The following PSAT1 variants were observed in gnomAD, a reference collection of about 807,000 sequenced individuals.
PSAT1 encodes the protein phosphoserine aminotransferase.
A neutral mutation model predicts 40.3 loss-of-function variants in PSAT1; 41 were observed. That is an observed-to-expected ratio of 1.02 (90% CI 0.79 to 1.32). The LOEUF is 1.32. Ranked by LOEUF, PSAT1 falls within the 40% of genes most tolerant of loss-of-function variation. The pLI, the probability that PSAT1 is intolerant of heterozygous loss-of-function variation, is 0.00. For synonymous variants in PSAT1, 147 were observed against 170.5 expected (o/e 0.86, Z 1.07); for missense variants, 406 against 455.8 (o/e 0.89, Z 0.99).
At position 78,317,740 on chromosome 9, in the gene PSAT1, A is replaced by T; in HGVS notation, c.805A>T (p.Lys269Ter). 1 of 1,613,588 alleles carries T rather than the reference A, an allele frequency of 6.2e-7. No individual in the cohort carries two copies. Among genetic ancestry groups the T allele is most frequent in the Non-Finnish European group, 8.5e-7 (1 of 1,179,668 alleles). ...CAATGGAGGTGCCGCGGCCATGGAG[A>T]AGCTTAGCTCCATCAAATCTCAAAC... is the stretch of plus-strand genomic sequence containing the variant. ...KNNGGAAAME[K>*]LSSIKSQTIY... Residue 269 changes from lysine (K) to a stop codon, truncating the protein, a stop_gained, in exon 7 of 9, where the codon AAG becomes TAG. Coordinates refer to ENST00000376588, the MANE Select transcript of PSAT1 (RefSeq NM_058179.4). LOFTEE classifies it high-confidence loss of function.
intron 1 of PSAT1, among the ~76,000 whole-genome samples, chr9:78,299,363 A>T (rs925271502): frequency 6.6e-6 from 1 of 152,036 alleles, no homozygotes; most frequent in Non-Finnish European, 1.5e-5. Flanking sequence ...AAGTTCAAAG[A>T]TTATTCACAG....
At chr9:78,315,564 T>C (rs1828331682) in intron 6 of PSAT1, among the ~76,000 whole-genome samples, 1 of 152,226 alleles carries the variant, frequency 6.6e-6, no homozygotes, top group Non-Finnish European at 1.5e-5. Context: ...CCTCCCTGCC[T>C]TCCCTTTCTG....
At chr9:78,325,985 T>C (rs991634205) in intron 7 of PSAT1, among the ~76,000 whole-genome samples, 1 of 152,204 alleles carries the variant, frequency 6.6e-6, no homozygotes, top group African/African-American at 2.4e-5. Context: ...GAGCCTCACA[T>C]TGGGAGCCTG....
chr9:78,305,555 C>G (rs982099128), intron 4 of PSAT1, among the ~76,000 whole-genome samples: 1 of 152,146 alleles, frequency 6.6e-6, no homozygotes, highest in East Asian at 1.9e-4. Flanking sequence ...CCTGGTGGCT[C>G]CACAGGCAGA....
At chr9:78,302,514 A>G (rs1828121471) in intron 3 of PSAT1, among the ~76,000 whole-genome samples, 1 of 152,096 alleles carries the variant, frequency 6.6e-6, no homozygotes, top group South Asian at 2.1e-4. Context: ...GGATCGTGAG[A>G]TCAGGAGATC....
chr9:78,309,793 A>G (rs1226593776), intron 6 of PSAT1, among the ~76,000 whole-genome samples: 2 of 152,154 alleles, frequency 1.3e-5, no homozygotes, highest in African/African-American at 4.8e-5. Context: ...ATAACTCCCA[A>G]ACTTGGGTAT....
In PSAT1 at chr9:78,306,336, G is replaced by A. The variant is rs1008314756; in HGVS notation, c.420G>A (p.Trp140Ter). Residue 140 changes from tryptophan to a stop codon, truncating the protein, a stop_gained, in exon 5 of 9, where the codon TGG (tryptophan) becomes TGA (stop). Coordinates refer to ENST00000376588, the MANE Select transcript of PSAT1 (RefSeq NM_058179.4). LOFTEE classifies it high-confidence loss of function. ...TAGAAATTCCAGATCCAAGCACCTGGAACCTCAACCCAGATGCCTCCTACG... is the reference window on the plus strand; with the variant it reads ...TAGAAATTCCAGATCCAAGCACCTGAAACCTCAACCCAGATGCCTCCTACG... ...SYTKIPDPSTWNLNPDASYVY... is the reference protein window; with the variant it reads ...SYTKIPDPST 15 of 1,612,186 alleles carry A rather than the reference G, an allele frequency of 9.3e-6. No homozygotes were observed. Among genetic ancestry groups the A allele is most frequent in the South Asian group, 1.1e-5 (1 of 91,010 alleles).
intron 5 of PSAT1, among the ~76,000 whole-genome samples, chr9:78,307,910 C>T (rs1216385993): frequency 2.6e-5 from 4 of 152,036 alleles, no homozygotes; most frequent in Non-Finnish European, 5.9e-5. Flanking sequence ...CATGGTGGCA[C>T]ACGCTGTAAT....
chr9:78,317,643 G>C (rs960727980), intron 6 of PSAT1, 33 bp from the exon 7 acceptor site: 2 of 1,610,778 alleles, frequency 1.2e-6, no homozygotes, highest in Non-Finnish European at 1.7e-6. Flanking sequence ...GCAAAGATGA[G>C]CTAAACGGAT....
intron 3 of PSAT1, among the ~76,000 whole-genome samples, chr9:78,303,283 A>G (rs1163094514): frequency 6.6e-6 from 1 of 152,220 alleles, no homozygotes; most frequent in South Asian, 2.1e-4. Context: ...GCTAATTGCA[A>G]TGTGAATGTT....
chr9:78,307,063 A>G (rs1405954658), intron 5 of PSAT1, among the ~76,000 whole-genome samples: 1 of 152,230 alleles, frequency 6.6e-6, no homozygotes, highest in Admixed American at 6.5e-5. Context: ...AAAATATACC[A>G]TTTTAACCAT....
At position 78,328,969 on chromosome 9, in the gene PSAT1, T is replaced by G; in HGVS notation, c.1008-12T>G. On this transcript the variant is annotated splice_polypyrimidine_tract_variant and intron_variant, in intron 8 of 8. Transcript: ENST00000376588. ...TTTTTGTTCTCAATGCCTGGATCTTTGGTCATTCTAGGTCTGTGGGAGGCA... is the reference window on the plus strand; with the variant it reads ...TTTTTGTTCTCAATGCCTGGATCTTGGGTCATTCTAGGTCTGTGGGAGGCA... 3.1e-6 allele frequency: 5 copies of G among 1,605,110 alleles called. No homozygotes were observed. Among genetic ancestry groups the G allele is most frequent in the Non-Finnish European group, 4.3e-6 (5 of 1,171,802 alleles).
At chr9:78,323,326 T>A (rs962583996) in intron 7 of PSAT1, among the ~76,000 whole-genome samples, 5 of 152,168 alleles carry the variant, frequency 3.3e-5, no homozygotes, top group African/African-American at 1.2e-4. Context: ...ATCCTAGCAC[T>A]TTGGGAGGCC....
Position 78,315,278 on chromosome 9 carries a change from T to C in PSAT1, c.741-2398T>C, listed in dbSNP as rs181878213. On this transcript the variant is annotated intron_variant, in intron 6 of 8. Transcript: ENST00000376588. The stretch of plus-strand genomic sequence containing the variant: ...TTCTTGGAGTCAGACAGGCTAGAGT[T>C]GGAGTCCTGGCTTTAAGCTGCTTGC... 5.6e-3 allele frequency among the ~76,000 whole-genome samples: 848 copies of C among 152,270 alleles called. 7 individuals carry two copies. Among genetic ancestry groups the C allele is most frequent in the South Asian group, 0.038 (181 of 4,820 alleles).
At chr9:78,307,877 TA>T (rs1385819165) in intron 5 of PSAT1, among the ~76,000 whole-genome samples, 1 of 151,996 alleles carries the variant, frequency 6.6e-6, no homozygotes, top group Non-Finnish European at 1.5e-5. Flanking sequence ...CCGTCTTTAC[TA>T]AAAATACAAA....
chr9:78,308,791 A>G (rs142244314), intron 6 of PSAT1, among the ~76,000 whole-genome samples: 1,555 of 152,224 alleles, frequency 0.01, 26 homozygotes, highest in African/African-American at 0.036. Flanking sequence ...CCCTGTCTTT[A>G]CCAAAAATAC....
intron 6 of PSAT1, among the ~76,000 whole-genome samples, chr9:78,309,484 T>G (rs975058120): frequency 6.6e-6 from 1 of 152,210 alleles, no homozygotes; most frequent in Non-Finnish European, 1.5e-5. Flanking sequence ...TGCCTCAGCC[T>G]CCCGAGTAGC....
At chr9:78,321,879 C>G (rs899328111) in intron 7 of PSAT1, among the ~76,000 whole-genome samples, 2 of 152,044 alleles carry the variant, frequency 1.3e-5, no homozygotes, top group Middle Eastern at 3.2e-3. Flanking sequence ...TTAAAATTGT[C>G]AAGAGAATTA....
chr9:78,300,963 C>G (rs1400007865), intron 2 of PSAT1, among the ~76,000 whole-genome samples: 2 of 152,042 alleles, frequency 1.3e-5, no homozygotes, highest in African/African-American at 4.8e-5. Flanking sequence ...ATCTGAAACT[C>G]GTGGCCTGAA....
Sources: gnomAD v4.1 joint callset for allele counts (sites outside exome capture counted in the v4.1 genomes callset) on GRCh38, gnomAD v4.1.1 for gene constraint, MANE v1.5 for transcripts, NCBI Gene and HGNC (gene_info 2026-07-23, HGNC 2026-07-21) for gene names.